SAMD4A: variants seen among roughly 807,000 people sequenced by gnomAD.
SAMD4A encodes the protein sterile alpha motif domain containing 4A, also known as protein Smaug homolog 1.
In SAMD4A, 33 loss-of-function variants were observed where a neutral mutation model predicts 81.3. The observed-to-expected ratio is 0.41, with a 90% CI of 0.31 to 0.54. The LOEUF (loss-of-function observed/expected upper bound fraction) is 0.54. Ranked by LOEUF, SAMD4A falls within the 20% of genes least tolerant of loss-of-function variation. The pLI, the probability that SAMD4A is intolerant of heterozygous loss-of-function variation, is 0.37. For missense variants in SAMD4A, 854 were observed against 951.1 expected (o/e 0.90, Z 1.34); for synonymous variants, 389 against 382.1 (o/e 1.02, Z -0.21).
At chr14:54,773,634 C>T (rs76246999) in intron 9 of SAMD4A, among the ~76,000 whole-genome samples, 8,890 of 152,282 alleles carry the variant, frequency 0.058, 426 homozygotes, top group Non-Finnish European at 0.087. Flanking sequence ...CCTCCCTGCC[C>T]GGACCCAGGA....
intron 7 of SAMD4A, among the ~76,000 whole-genome samples, chr14:54,760,771 C>T (rs1004425620): frequency 1.3e-5 from 2 of 152,208 alleles, no homozygotes; most frequent in Admixed American, 1.3e-4. Context: ...TTACAGTGCT[C>T]ATTGGGCCAG....
At chr14:54,715,382 G>C (rs2140831209) in intron 3 of SAMD4A, among the ~76,000 whole-genome samples, 1 of 152,178 alleles carries the variant, frequency 6.6e-6, no homozygotes, top group South Asian at 2.1e-4. Context: ...TGAGTCGATA[G>C]TACTCATTTT....
intron 2 of SAMD4A, among the ~76,000 whole-genome samples, chr14:54,667,932 T>G (rs1166730990): frequency 6.6e-6 from 1 of 152,190 alleles, no homozygotes; most frequent in East Asian, 1.9e-4. Flanking sequence ...TCGGGAGCCC[T>G]GAGGGCCTCA....
chr14:54,602,051 C>T (rs569107861), intron 2 of SAMD4A, among the ~76,000 whole-genome samples: 9 of 152,184 alleles, frequency 5.9e-5, no homozygotes, highest in East Asian at 1.9e-4. Context: ...TCCTGGGATC[C>T]GCCTGGTACC....
At chr14:54,666,284 G>A (rs1374481631) in intron 2 of SAMD4A, among the ~76,000 whole-genome samples, 1 of 152,226 alleles carries the variant, frequency 6.6e-6, no homozygotes, top group African/African-American at 2.4e-5. Flanking sequence ...CTGTGTGGGC[G>A]TCTTGATTAG....
chr14:54,594,455 T>C (rs1297279550), intron 2 of SAMD4A, among the ~76,000 whole-genome samples: 2 of 152,138 alleles, frequency 1.3e-5, no homozygotes, highest in South Asian at 4.1e-4. Context: ...TTGCAAGTGT[T>C]AATTAGATAA....
At position 54,694,224 on chromosome 14, in the gene SAMD4A, A is replaced by G. The variant is rs1232154164; in HGVS notation, c.197-7838A>G. ...ATGACTTACCTTCTAGTTTTAAAAGATCCTTCTTTTAGAAATGATTGTTAT... is the reference window on the plus strand; with the variant it reads ...ATGACTTACCTTCTAGTTTTAAAAGGTCCTTCTTTTAGAAATGATTGTTAT... On this transcript the variant is annotated intron_variant, in intron 2 of 12. Coordinates refer to ENST00000554335, the MANE Select transcript of SAMD4A (RefSeq NM_015589.6). The G allele has an allele frequency of 2.0e-5, 3 of 152,740 alleles. No individual in the cohort carries two copies. In the East Asian group the frequency reaches 5.8e-4, roughly 29 times the overall value. The allele number at this position is 152,740 out of a possible 1,614,324, so 9.5% of individuals were successfully genotyped here. A position where few individuals can be genotyped will look rare whatever the true frequency, so the allele number is the denominator to read the frequency against.
At chr14:54,566,756 C>G (rs1417294039), upstream of SAMD4A, among the ~76,000 whole-genome samples, 1 of 151,818 alleles carries the variant, frequency 6.6e-6, no homozygotes, top group Non-Finnish European at 1.5e-5. Flanking sequence ...CACGCGCGCA[C>G]ACACACACGC....
At chr14:54,732,198 A>G (rs868158554) in intron 3 of SAMD4A, among the ~76,000 whole-genome samples, 2 of 152,166 alleles carry the variant, frequency 1.3e-5, no homozygotes, top group Non-Finnish European at 2.9e-5. Context: ...TAAAACCACA[A>G]TTGTATTTCA....
chr14:54,702,027 A>G (rs772590515), intron 2 of SAMD4A, 35 bp from the exon 3 acceptor site: 2 of 1,602,712 alleles, frequency 1.2e-6, no homozygotes, highest in Non-Finnish European at 1.7e-6. Context: ...CTGTGGGTGT[A>G]TTTGCTTATT....
At chr14:54,724,024 G>GGAA (rs2037344678) in intron 3 of SAMD4A, among the ~76,000 whole-genome samples, 2 of 97,248 alleles carry the variant, frequency 2.1e-5, no homozygotes, top group South Asian at 8.2e-4. Flanking sequence ...AAGGAAGGAA[G>GGAA]GAAGGAAGGA....
At chr14:54,742,875 ATGT>A (rs1305212508) in intron 4 of SAMD4A, among the ~76,000 whole-genome samples, 1 of 152,046 alleles carries the variant, frequency 6.6e-6, no homozygotes, top group Non-Finnish European at 1.5e-5. Flanking sequence ...CTGTGAAAAT[ATGT>A]TGTTTGCCTT....
At chr14:54,617,019 A>G (rs1237841322) in intron 2 of SAMD4A, among the ~76,000 whole-genome samples, 4 of 152,214 alleles carry the variant, frequency 2.6e-5, no homozygotes, top group African/African-American at 9.6e-5. Flanking sequence ...TTACTTATGT[A>G]TCAAACAATT....
chr14:54,571,541 A>G (rs755659070), intron 2 of SAMD4A, among the ~76,000 whole-genome samples: 22 of 152,338 alleles, frequency 1.4e-4, no homozygotes, highest in Middle Eastern at 6.8e-3. Flanking sequence ...TGGACTTGAA[A>G]TATATTTTTC....
chr14:54,765,497 C>T (rs1035319464), intron 8 of SAMD4A, among the ~76,000 whole-genome samples: 2 of 150,798 alleles, frequency 1.3e-5, no homozygotes, highest in Non-Finnish European at 2.9e-5. Context: ...GTGGCGCACA[C>T]CTGTAATCCC....
chr14:54,614,156 A>G (rs1412556650), intron 2 of SAMD4A, among the ~76,000 whole-genome samples: 2 of 152,262 alleles, frequency 1.3e-5, no homozygotes, highest in Non-Finnish European at 2.9e-5. Context: ...TAACAGATAC[A>G]TGAAAGAGTT....
chr14:54,753,355 G>C (rs2038159741), intron 6 of SAMD4A, among the ~76,000 whole-genome samples: 1 of 152,294 alleles, frequency 6.6e-6, no homozygotes, highest in Admixed American at 6.5e-5. Context: ...CTTTTACCAA[G>C]TATACTGCTT....
At chr14:54,634,096 G>A (rs2034970347) in intron 2 of SAMD4A, among the ~76,000 whole-genome samples, 1 of 152,066 alleles carries the variant, frequency 6.6e-6, no homozygotes, top group African/African-American at 2.4e-5. Flanking sequence ...GACCAGCCTG[G>A]CCAAGATGGT....
intron 2 of SAMD4A, among the ~76,000 whole-genome samples, chr14:54,638,598 AC>A (rs2035092987): frequency 6.6e-6 from 1 of 152,212 alleles, no homozygotes; most frequent in Admixed American, 6.5e-5. Context: ...CGGTTTAAAA[AC>A]AAGAATCAAC....
Sources: gnomAD v4.1 joint callset for allele counts (sites outside exome capture counted in the v4.1 genomes callset) on GRCh38, gnomAD v4.1.1 for gene constraint, MANE v1.5 for transcripts, NCBI Gene and HGNC (gene_info 2026-07-23, HGNC 2026-07-21) for gene names.